The following MZF1 variants were observed in gnomAD, a reference collection of about 807,000 sequenced individuals.
MZF1 encodes myeloid zinc finger 1.
MZF1 carries 24 observed loss-of-function variants against 28.6 expected under a neutral mutation model. The observed-to-expected ratio is 0.84, with a 90% CI of 0.61 to 1.18. The LOEUF is 1.18. Ranked by LOEUF, MZF1 falls within the 50% of genes most tolerant of loss-of-function variation. The probability of loss-of-function intolerance (pLI) is 0.00; values close to 1 mark genes in which losing one functional copy is unlikely to be tolerated. For synonymous variants in MZF1, 516 were observed against 432.5 expected, an observed-to-expected ratio of 1.19 and a Z score of -2.40; for missense variants, 1,166 against 1,026.4, an observed-to-expected ratio of 1.14 and a Z score of -1.86.
intron 1 of MZF1, chr19:58,572,601 C>T: frequency 7.8e-7 from 1 of 1,289,662 alleles, no homozygotes; most frequent in Non-Finnish European, 1.0e-6. Flanking sequence ...AAGGAATCTG[C>T]GTTTATGAAG....
rs2122668975 is a variant in MZF1 at position 58,562,237 on chromosome 19, G to GC, written c.2039_2040insG (p.Tyr681LeufsTer5). 1.2e-6 allele frequency: 2 copies of GC among 1,605,300 alleles called. No homozygotes were observed. Among genetic ancestry groups the GC allele is most frequent in the Middle Eastern group, 1.7e-4 (1 of 6,044 alleles). Reference sequence around the variant, plus strand: ...CCTTGCCACACTCAGGGCATGCGTAGGGCCGTTCACCCGTGTGGATGCGCC... The same window carrying GC: ...CCTTGCCACACTCAGGGCATGCGTAGCGGCCGTTCACCCGTGTGGATGCGCC... On this transcript the variant is annotated frameshift_variant, in exon 6 of 6. Coordinates refer to ENST00000215057, the MANE Select transcript of MZF1 (RefSeq NM_198055.2). LOFTEE classifies it low-confidence loss of function (END_TRUNC).
intron 5 of MZF1, among the ~76,000 whole-genome samples, chr19:58,564,900 GTGTTTTTTTT>G (rs1680520597): frequency 7.2e-5 from 5 of 69,354 alleles, no homozygotes; most frequent in African/African-American, 2.9e-4. Flanking sequence ...ATCCATGTGT[GTGTTTTTTTT>G]TTTTTTTTTT....
intron 5 of MZF1, chr19:58,564,544 C>CTGAATTTT (rs1007769039): frequency 6.6e-6 from 1 of 152,174 alleles, no homozygotes; most frequent in Non-Finnish European, 1.5e-5. Context: ...AAGAAAAATG[C>CTGAATTTT]ACCTTAGGGC....
rs138089458 is a variant in MZF1, at chr19:58,570,408, C to T, written c.516G>A (p.Arg172=). ...TPEPGPKTPP[R]TMQESPLGLQ... is the part of the protein sequence containing the mutation. ...GGCCCAGTGGTGATTCCTGCATAGT[C>T]CTAGGAGGTGTCTTGGGCCCAGGCT... Residue 172 remains arginine (R), a synonymous_variant, in exon 3 of 6, where the codon AGG becomes AGA. Transcript: ENST00000215057. 526 of 1,613,862 alleles carry T rather than the reference C, an allele frequency of 3.3e-4. No individual in the cohort carries two copies. The African/African-American group carries it at 6.1e-3, about 19-fold the overall frequency.
intron 5 of MZF1, among the ~76,000 whole-genome samples, chr19:58,565,540 T>TGTGC (rs202006686): frequency 0.02 from 3,037 of 150,902 alleles, 101 homozygotes; most frequent in African/African-American, 0.068. Context: ...CGTGTGTGTG[T>TGTGC]GTGCGCACTT....
chr19:58,570,909 G>A, intron 2 of MZF1, 85 bp downstream of exon 2: 2 of 1,426,964 alleles, frequency 1.4e-6, no homozygotes, highest in Non-Finnish European at 1.9e-6. Context: ...GAGAACGTGT[G>A]TCTGGCAAAG....
rs770405262 is a variant in MZF1 at position 58,562,893 on chromosome 19, G to A, written c.1384C>T (p.His462Tyr). Residue 462 changes from histidine to tyrosine, a missense_variant, in exon 6 of 6, where the codon CAC becomes TAC. By Grantham distance (83) the His-to-Tyr change is moderately conservative. Coordinates refer to ENST00000215057, the MANE Select transcript of MZF1 (RefSeq NM_198055.2). ...GCGCCAGGGCCCGGGGGATCGCCGT[G>A]GATGCGCTGGTGCTGCAGCAGATTG... is the stretch of plus-strand genomic sequence containing the variant. ...RSNLLQHQRIHGDPPGPGAKP... is the reference protein window; with the variant it reads ...RSNLLQHQRIYGDPPGPGAKP... 11 of 1,576,374 alleles carry A rather than the reference G, an allele frequency of 7.0e-6. No individual in the cohort carries two copies. In the African/African-American group the frequency reaches 1.3e-4, roughly 19 times the overall value.
rs2054200754 is a variant in MZF1 at position 58,573,263 on chromosome 19, C to A, written c.-249G>T. 6.6e-6 allele frequency: 1 copy of A among 152,626 alleles called. No individual in the cohort carries two copies. The highest frequency in any genetic ancestry group is 2.4e-5 in the African/African-American group (1 of 41,460). 9.5% of individuals were successfully genotyped at this position (152,626 alleles called of 1,614,324 possible). On this transcript the variant is annotated 5_prime_UTR_variant, in exon 1 of 6. It introduces an in-frame stop codon into an upstream open reading frame of the 5' UTR. Coordinates refer to ENST00000215057, the MANE Select transcript of MZF1 (RefSeq NM_198055.2). ...AGGTCATACTCCTGGCCGCTTCTTC[C>A]CATGCTCCCCGCCTCGAATCCGTGC... is the stretch of plus-strand genomic sequence containing the variant.
chr19:58,572,796 G>A (rs1329896820), intron 1 of MZF1: 1 of 399,332 alleles, frequency 2.5e-6, no homozygotes, highest in African/African-American at 2.1e-5. Context: ...AGAAGTCCAG[G>A]CGGCAACTTC....
chr19:58,565,802 G>A (rs1302317603), intron 5 of MZF1, among the ~76,000 whole-genome samples: 1 of 148,232 alleles, frequency 6.7e-6, no homozygotes, highest in African/African-American at 2.5e-5. Context: ...AAAGTGCTGG[G>A]ATTACAGGCG....
intron 5 of MZF1, among the ~76,000 whole-genome samples, chr19:58,565,702 T>C (rs1329401551): frequency 6.6e-6 from 1 of 150,994 alleles, no homozygotes; most frequent in East Asian, 2.0e-4. Context: ...CTGACTAATA[T>C]TTTGTATTTT....
In MZF1 at chr19:58,562,491, G is replaced by T. The variant is rs1367313880; in HGVS notation, c.1786C>A (p.Pro596Thr). ...QHLRVHTGEK[P>T]FACPECGQRF... is the part of the protein sequence containing the mutation. ...TGGCCACACTCGGGGCAGGCAAAGG[G>T]TTTCTCGCCCGTGTGTACGCGGAGA... The change falls in exon 6 of 6, where the codon CCC becomes ACC. Residue 596 changes from proline to threonine, a missense_variant. Pro to Thr is a conservative substitution (Grantham distance 38). Coordinates refer to ENST00000215057, the MANE Select transcript of MZF1 (RefSeq NM_198055.2). The T allele has an allele frequency of 1.9e-6, 3 of 1,610,802 alleles. No individual in the cohort carries two copies. Among genetic ancestry groups the T allele is most frequent in the Non-Finnish European group, 1.7e-6 (2 of 1,179,326 alleles).
chr19:58,565,671 T>G (rs2054036667), intron 5 of MZF1, among the ~76,000 whole-genome samples: 1 of 151,732 alleles, frequency 6.6e-6, no homozygotes, highest in South Asian at 2.1e-4. Context: ...TAGATGGGAC[T>G]ACAGGCGCCC....
Position 58,562,317 on chromosome 19 carries a change from C to G in MZF1, c.1960G>C (p.Ala654Pro). ...QRIHTGERPF[A>P]CPECGQSFRQ... ...AAGCTCTGGCCGCACTCGGGGCAGGCGAAGGGCCGTTCGCCCGTGTGGATG... is the reference window on the plus strand; with the variant it reads ...AAGCTCTGGCCGCACTCGGGGCAGGGGAAGGGCCGTTCGCCCGTGTGGATG... Residue 654 changes from alanine to proline, a missense_variant, in exon 6 of 6, where the codon GCC (alanine) becomes CCC (proline). Ala to Pro is a conservative substitution (Grantham distance 27). Coordinates refer to ENST00000215057, the MANE Select transcript of MZF1 (RefSeq NM_198055.2). 1 of 1,608,504 alleles carries G rather than the reference C, an allele frequency of 6.2e-7. No homozygotes were observed. The highest frequency in any genetic ancestry group is 8.5e-7 in the Non-Finnish European group (1 of 1,178,554).
chr19:58,563,687 A>G, intron 5 of MZF1, 183 bp from the exon 6 acceptor site: 1 of 549,132 alleles, frequency 1.8e-6, no homozygotes, highest in Non-Finnish European at 3.2e-6. Flanking sequence ...TGATAATGAG[A>G]CAGAACCCAG....
intron 5 of MZF1, among the ~76,000 whole-genome samples, chr19:58,567,217 C>A (rs538858299): frequency 6.6e-6 from 1 of 152,174 alleles, no homozygotes; most frequent in Non-Finnish European, 1.5e-5. Flanking sequence ...TAAGAAGATT[C>A]TAAAAACTCA....
At position 58,562,645 on chromosome 19, in the gene MZF1, G is replaced by T. The variant is rs558775630; in HGVS notation, c.1632C>A (p.Ala544=). 1.3e-6 allele frequency: 2 copies of T among 1,544,506 alleles called. No individual in the cohort carries two copies. The highest frequency in any genetic ancestry group is 1.4e-5 in the African/African-American group (1 of 70,604). The change falls in exon 6 of 6, where the codon GCC becomes GCA. Residue 544 remains alanine (A), a synonymous_variant. Transcript: ENST00000215057. ...GCTGCCGGAAGCTCTGGCCGCACTC[G>T]GCACAGGCGAAGGGCCGCTCGCCAC... ...VHSGERPFAC[A]ECGQSFRQRS...
intron 5 of MZF1, among the ~76,000 whole-genome samples, chr19:58,566,019 T>A (rs763931377): frequency 3.8e-4 from 57 of 151,264 alleles, no homozygotes; most frequent in Non-Finnish European, 7.1e-4. Flanking sequence ...CCGGCGCCTG[T>A]AGTCCCAGCT....
intron 4 of MZF1, 28 bp from the exon 5 acceptor site, chr19:58,569,425 T>G (rs560690842): frequency 6.2e-7 from 1 of 1,614,056 alleles, no homozygotes. Flanking sequence ...ACTGCTCCTC[T>G]GTGCCTGGCT....
Sources: gnomAD v4.1 joint callset for allele counts (sites outside exome capture counted in the v4.1 genomes callset) on GRCh38, gnomAD v4.1.1 for gene constraint, MANE v1.5 for transcripts, NCBI Gene and HGNC (gene_info 2026-07-23, HGNC 2026-07-21) for gene names.